ROBO1: variants seen among roughly 807,000 people sequenced by gnomAD.
The protein encoded by ROBO1 is roundabout guidance receptor 1, also known as roundabout homolog 1.
ROBO1 carries 149 observed loss-of-function variants against 195.9 expected under a neutral mutation model. The ratio of observed to expected loss-of-function variants is 0.76; its 90% confidence interval spans 0.67 to 0.87. The LOEUF is 0.87. Among genes scored for constraint, ROBO1 ranks in the 40% least tolerant of loss-of-function variants. ROBO1 has a pLI of 0.00. For missense variants in ROBO1, 1,933 were observed against 2,068.3 expected (o/e 0.93, Z 1.27); for synonymous variants, 816 against 733.2 (o/e 1.11, Z -1.82).
intron 2 of ROBO1, among the ~76,000 whole-genome samples, chr3:79,487,690 T>C (rs560542647): frequency 6.6e-6 from 1 of 152,246 alleles, no homozygotes; most frequent in African/African-American, 2.4e-5. Context: ...AGCCTTTTCT[T>C]GTGTCACCTC....
chr3:78,657,006 C>A, intron 18 of ROBO1, 92 bp downstream of exon 18: 1 of 1,192,080 alleles, frequency 8.4e-7, no homozygotes. Flanking sequence ...ATTAAATTAG[C>A]AATGGTGGGT....
intron 4 of ROBO1, among the ~76,000 whole-genome samples, chr3:78,799,123 G>A (rs2084276570): frequency 6.6e-6 from 1 of 152,134 alleles, no homozygotes; most frequent in Middle Eastern, 3.4e-3. Context: ...CTACAAATTC[G>A]CACAGCTTTT....
At chr3:79,367,002 A>G (rs923743090) in intron 2 of ROBO1, among the ~76,000 whole-genome samples, 3 of 152,148 alleles carry the variant, frequency 2.0e-5, no homozygotes, top group Non-Finnish European at 4.4e-5. Context: ...CTCAAATTAC[A>G]CTATTTTGTA....
chr3:79,428,228 A>G (rs529067979), intron 2 of ROBO1, among the ~76,000 whole-genome samples: 1 of 152,302 alleles, frequency 6.6e-6, no homozygotes, highest in South Asian at 2.1e-4. Context: ...AGAGATACCA[A>G]TAGAGGTATC....
At chr3:79,243,654 A>G (rs1411464717) in intron 2 of ROBO1, among the ~76,000 whole-genome samples, 34 of 152,056 alleles carry the variant, frequency 2.2e-4, no homozygotes, top group East Asian at 9.6e-4. Flanking sequence ...GTCTGTTCAT[A>G]TCCTTCGCCC....
intron 1 of ROBO1, among the ~76,000 whole-genome samples, chr3:79,675,082 C>T (rs1946746070): frequency 6.6e-6 from 1 of 151,780 alleles, no homozygotes; most frequent in African/African-American, 2.4e-5. Flanking sequence ...GATATCATTA[C>T]AACTATTTAA....
At chr3:78,716,757 A>G (rs942168477) in intron 7 of ROBO1, among the ~76,000 whole-genome samples, 13 of 152,126 alleles carry the variant, frequency 8.5e-5, no homozygotes, top group Admixed American at 3.3e-4. Flanking sequence ...CAGTACCCGA[A>G]AGCCTTTATT....
chr3:79,551,086 G>C (rs917168233), intron 2 of ROBO1, among the ~76,000 whole-genome samples: 9 of 151,832 alleles, frequency 5.9e-5, no homozygotes, highest in Non-Finnish European at 1.2e-4. Context: ...TCTGGATTTT[G>C]GGCTCTTCAG....
chr3:79,451,618 A>G (rs1327908524), intron 2 of ROBO1, among the ~76,000 whole-genome samples: 1 of 152,130 alleles, frequency 6.6e-6, no homozygotes, highest in Admixed American at 6.6e-5. Context: ...TATTCACTGC[A>G]GCTGTGTTTA....
chr3:78,958,852 TC>T (rs2041184013), intron 3 of ROBO1, among the ~76,000 whole-genome samples: 2 of 148,860 alleles, frequency 1.3e-5, no homozygotes, highest in Admixed American at 1.4e-4. Flanking sequence ...TGAGATCAGG[TC>T]TTGCTCAGTC....
Position 79,767,140 on chromosome 3 carries a change from C to T in ROBO1, c.-51+612G>A, listed in dbSNP as rs115535371. ...GTTTACCAAAATCCACCTAGTAACG[C>T]TTATTTTCAAAGCCCCCACGCGCAT... On this transcript the variant is annotated intron_variant, in intron 1 of 30. Transcript: ENST00000464233. Among the ~76,000 whole-genome samples the T allele has an allele frequency of 7.8e-3, 1,195 of 152,256 alleles. 11 individuals carry two copies. Among genetic ancestry groups the T allele is most frequent in the African/African-American group, 0.024 (1,012 of 41,552 alleles).
At chr3:78,889,415 A>T (rs2036752945) in intron 4 of ROBO1, among the ~76,000 whole-genome samples, 1 of 152,196 alleles carries the variant, frequency 6.6e-6, no homozygotes, top group South Asian at 2.1e-4. Context: ...CACCAACTTG[A>T]CTTTTTTAGA....
At chr3:79,693,866 A>G (rs10460922) in intron 1 of ROBO1, among the ~76,000 whole-genome samples, 42,706 of 151,568 alleles carry the variant, frequency 0.28, 7,544 homozygotes, top group East Asian at 0.53. Context: ...CCAACTTTAG[A>G]TTATTATCTT....
rs574641470 is a variant in ROBO1 at position 78,724,005 on chromosome 3, A to G, written c.658-6122T>C. Among the ~76,000 whole-genome samples, 25 of 152,288 alleles carry G rather than the reference A, an allele frequency of 1.6e-4. No homozygotes were observed. The East Asian group carries it at 4.4e-3, about 27-fold the overall frequency. ...ATATACTCACTGACAATAATGGTTA[A>G]GGACCCCAAAGTAGATGATACAAAA... On this transcript the variant is annotated intron_variant, in intron 5 of 30. Coordinates refer to ENST00000464233, the MANE Select transcript of ROBO1 (RefSeq NM_002941.4).
At chr3:79,561,775 ACTG>A in intron 2 of ROBO1, among the ~76,000 whole-genome samples, 1 of 152,246 alleles carries the variant, frequency 6.6e-6, no homozygotes, top group Admixed American at 6.6e-5. Context: ...TGGACAGATA[ACTG>A]CTATGTTTAA....
intron 3 of ROBO1, among the ~76,000 whole-genome samples, chr3:79,002,173 G>A (rs1327388834): frequency 6.6e-6 from 1 of 152,098 alleles, no homozygotes; most frequent in Admixed American, 6.6e-5. Flanking sequence ...GAAGCAAGTG[G>A]CAATGACAGG....
At chr3:79,503,837 C>T (rs559879165) in intron 2 of ROBO1, among the ~76,000 whole-genome samples, 1 of 152,210 alleles carries the variant, frequency 6.6e-6, no homozygotes, top group Non-Finnish European at 1.5e-5. Context: ...TGCTGCAATC[C>T]GTTCAACAAA....
chr3:78,911,609 G>A (rs372014633), intron 4 of ROBO1, among the ~76,000 whole-genome samples: 25 of 152,116 alleles, frequency 1.6e-4, no homozygotes, highest in African/African-American at 5.8e-4. Flanking sequence ...ACTGAGTAAG[G>A]TGTCATGCAC....
chr3:79,253,784 T>G (rs1332798555), intron 2 of ROBO1, among the ~76,000 whole-genome samples: 1 of 152,196 alleles, frequency 6.6e-6, no homozygotes, highest in African/African-American at 2.4e-5. Flanking sequence ...ACGCTAAGAT[T>G]TAGTTTCCCC....
Sources: allele counts gnomAD v4.1 joint callset (sites outside exome capture counted in the v4.1 genomes callset), GRCh38; gene constraint gnomAD v4.1.1; transcripts MANE v1.5; gene names NCBI Gene and HGNC (gene_info 2026-07-23, HGNC 2026-07-21).